The following RNF216 variants were observed in gnomAD, a reference collection of about 807,000 sequenced individuals.
RNF216 encodes the protein ring finger protein 216, also known as E3 ubiquitin-protein ligase RNF216.
In RNF216, 72 loss-of-function variants were observed where a neutral mutation model predicts 110.8. The observed-to-expected ratio is 0.65, with a 90% CI of 0.54 to 0.79. The LOEUF (loss-of-function observed/expected upper bound fraction) is 0.79. Among genes scored for constraint, RNF216 ranks in the 30% least tolerant of loss-of-function variants. The pLI is 0.00. For missense variants in RNF216, 1,342 were observed against 1,141.2 expected, an observed-to-expected ratio of 1.18 and a Z score of -2.54; for synonymous variants, 495 against 407.5, an observed-to-expected ratio of 1.21 and a Z score of -2.59.
rs577096452 is a variant in RNF216, at chr7:5,635,981, T to C, written c.2382+5173A>G. ...AGACACTGTAGAAAACAATTCTCTG[T>C]AGTTTCTCGTAGCCAAAACCCAAGA... On this transcript the variant is annotated intron_variant, in intron 15 of 16. Transcript: ENST00000389902. Among the ~76,000 whole-genome samples the C allele has an allele frequency of 3.3e-5, 5 of 152,362 alleles. No individual in the cohort carries two copies. In the South Asian group the frequency reaches 6.2e-4, roughly 19 times the overall value.
chr7:5,747,770 AAAAAAGG>A (rs1795108237), intron 3 of RNF216, among the ~76,000 whole-genome samples: 5 of 118,912 alleles, frequency 4.2e-5, no homozygotes, highest in African/African-American at 2.3e-4. Context: ...AAAAAAAAAA[AAAAAAGG>A]GGAAAAAAAA....
chr7:5,665,068 G>A (rs1440874440), intron 13 of RNF216, among the ~76,000 whole-genome samples: 1 of 152,096 alleles, frequency 6.6e-6, no homozygotes, highest in African/African-American at 2.4e-5. Context: ...AAAGTGCTGC[G>A]ATTACAGGCA....
At chr7:5,694,041 A>T (rs1220848861) in intron 13 of RNF216, among the ~76,000 whole-genome samples, 2 of 152,236 alleles carry the variant, frequency 1.3e-5, no homozygotes, top group Non-Finnish European at 2.9e-5. Flanking sequence ...CCCAGGCATC[A>T]TGGGTTTATT....
chr7:5,775,830 C>G (rs906510131), intron 1 of RNF216, among the ~76,000 whole-genome samples: 1 of 151,356 alleles, frequency 6.6e-6, no homozygotes, highest in East Asian at 1.9e-4. Flanking sequence ...GAATGCGCCA[C>G]TGCACTCCTG....
intron 11 of RNF216, chr7:5,713,458 A>T (rs1006280121): frequency 6.6e-6 from 1 of 152,370 alleles, no homozygotes; most frequent in South Asian, 2.1e-4. Context: ...TGCATAATGA[A>T]CAGAGAACTC....
rs565552817 is a variant in RNF216, at chr7:5,696,146, C to G, written c.2061+15615G>C. Among the ~76,000 whole-genome samples, 61 of 152,326 alleles carry G rather than the reference C, an allele frequency of 4.0e-4. No homozygotes were observed. Among genetic ancestry groups the G allele is most frequent in the African/African-American group, 1.4e-3 (59 of 41,574 alleles). ...TCCAGCCCAAGGGGAAACACACTGA[C>G]ATCCACAGTCCATGTGGTGACGAAG... On this transcript the variant is annotated intron_variant, in intron 13 of 16. Transcript: ENST00000389902. The surrounding 1 kb of genome is among the most constrained non-coding windows in gnomAD (Gnocchi z 5.4).
chr7:5,682,101 C>T (rs1790689392), intron 13 of RNF216, among the ~76,000 whole-genome samples: 1 of 152,254 alleles, frequency 6.6e-6, no homozygotes, highest in Admixed American at 6.5e-5. Context: ...TCAGCAGACA[C>T]AGGCACCTGA....
intron 5 of RNF216, among the ~76,000 whole-genome samples, chr7:5,731,827 T>C (rs1156972916): frequency 6.6e-6 from 1 of 151,690 alleles, no homozygotes; most frequent in Non-Finnish European, 1.5e-5. Context: ...ACAGGAGGTC[T>C]GGCAGAAAGA....
intron 1 of RNF216, among the ~76,000 whole-genome samples, chr7:5,775,562 C>T (rs1032803753): frequency 1.6e-4 from 25 of 152,082 alleles, no homozygotes; most frequent in African/African-American, 6.0e-4. Context: ...ATCCCTTTGA[C>T]TTCCCAGCAA....
chr7:5,711,879 T>C (rs745418912), intron 12 of RNF216, 40 bp from the exon 13 acceptor site: 2 of 1,571,346 alleles, frequency 1.3e-6, no homozygotes, highest in Non-Finnish European at 1.7e-6. Context: ...CTTCAAACAT[T>C]AAAGCCTGAT....
intron 13 of RNF216, among the ~76,000 whole-genome samples, chr7:5,675,626 G>C (rs1267069899): frequency 2.0e-5 from 3 of 151,924 alleles, no homozygotes; most frequent in African/African-American, 7.3e-5. Context: ...GGGTGACAGA[G>C]CAAGACCCTC....
rs1336991763 is a variant in RNF216 at position 5,623,035 on chromosome 7, A to T, written c.2597T>A (p.Leu866Gln). ...GTTGAACACAGGCCGCACGGGAGGC[A>T]GGGGGAAGGGTGGGTGCGCGAAGGC... The part of the protein sequence containing the change: ...PYAFAHPPFP[L>Q]PPVRPVFNNF... Residue 866 changes from leucine to glutamine, a missense_variant, in exon 17 of 17, where the codon CTG becomes CAG. Coordinates refer to ENST00000389902, the MANE Select transcript of RNF216 (RefSeq NM_207111.4). The T allele has an allele frequency of 6.2e-7, 1 of 1,613,852 alleles. No individual in the cohort carries two copies. The highest frequency in any genetic ancestry group is 1.3e-5 in the African/African-American group (1 of 74,886).
At chr7:5,663,316 T>C (rs982803781) in intron 13 of RNF216, among the ~76,000 whole-genome samples, 5 of 152,104 alleles carry the variant, frequency 3.3e-5, no homozygotes, top group Non-Finnish European at 5.9e-5. Flanking sequence ...CATGGTGGCT[T>C]ACGCCTGTAA....
intron 3 of RNF216, among the ~76,000 whole-genome samples, chr7:5,742,908 T>C (rs1794842557): frequency 1.3e-5 from 2 of 151,976 alleles, no homozygotes; most frequent in African/African-American, 4.8e-5. Context: ...TGTGTGAAAA[T>C]TCTTATACTA....
At chr7:5,716,787 A>C (rs776328031) in intron 9 of RNF216, 21 bp from the exon 10 acceptor site, 5 of 1,591,258 alleles carry the variant, frequency 3.1e-6, no homozygotes, top group Non-Finnish European at 4.3e-6. Flanking sequence ...AAAAAGGCAC[A>C]CATTCAGACA....
At chr7:5,666,846 A>G in intron 13 of RNF216, 1 of 141,368 alleles carries the variant, frequency 7.1e-6, no homozygotes, top group Non-Finnish European at 1.5e-5. Context: ...ACAGGGTCTC[A>G]TTCTGTCACC....
At chr7:5,644,632 G>C (rs984024037) in intron 14 of RNF216, among the ~76,000 whole-genome samples, 4 of 151,620 alleles carry the variant, frequency 2.6e-5, no homozygotes, top group African/African-American at 4.8e-5. Context: ...AGCCTCCTGA[G>C]TAGCTGGAAA....
chr7:5,722,302 T>G (rs1183357291), intron 8 of RNF216, among the ~76,000 whole-genome samples: 1 of 152,166 alleles, frequency 6.6e-6, no homozygotes, highest in Admixed American at 6.5e-5. Context: ...TCTCTTGATT[T>G]TAATATTTAC....
At chr7:5,650,610 A>G (rs1173952650) in intron 14 of RNF216, among the ~76,000 whole-genome samples, 4 of 152,126 alleles carry the variant, frequency 2.6e-5, no homozygotes, top group African/African-American at 7.2e-5. Context: ...GGTTTTCCCA[A>G]CTTCTACAGG....
Sources: allele counts gnomAD v4.1 joint callset (sites outside exome capture counted in the v4.1 genomes callset), GRCh38; gene constraint gnomAD v4.1.1; non-coding constraint Gnocchi (gnomAD v3.1); transcripts MANE v1.5; gene names NCBI Gene and HGNC (gene_info 2026-07-23, HGNC 2026-07-21).